Variants in STAG1 observed in about 807,000 individuals in gnomAD.
The protein encoded by STAG1 is cohesin subunit SA-1.
A neutral mutation model predicts 170.9 loss-of-function variants in STAG1; 26 were observed. That is an observed-to-expected ratio of 0.15 (90% confidence interval 0.11 to 0.21). The LOEUF (loss-of-function observed/expected upper bound fraction) is 0.21. Ranked by LOEUF, STAG1 falls within the 10% of genes least tolerant of loss-of-function variation. The probability of loss-of-function intolerance (pLI) is 1.00; values close to 1 mark genes in which losing one functional copy is unlikely to be tolerated. For missense variants in STAG1, 964 were observed against 1,509.5 expected, an observed-to-expected ratio of 0.64 and a Z score of 5.99; for synonymous variants, 514 against 497.7, an observed-to-expected ratio of 1.03 and a Z score of -0.44.
At chr3:136,723,034 GCTCGCTACAAC>G (rs1005047419) in intron 1 of STAG1, among the ~76,000 whole-genome samples, 2 of 152,192 alleles carry the variant, frequency 1.3e-5, no homozygotes, top group African/African-American at 4.8e-5. Flanking sequence ...CGTGATCTCC[GCTCGCTACAAC>G]CTCCACCTCC....
intron 10 of STAG1, among the ~76,000 whole-genome samples, 155 bp downstream of exon 10, chr3:136,477,134 C>A (rs770173804): frequency 4.6e-5 from 7 of 152,168 alleles, no homozygotes; most frequent in Non-Finnish European, 7.3e-5. Context: ...CCAGTTTCAT[C>A]ACAATCATCA....
chr3:136,720,806 AAAAAG>A (rs765312022), intron 1 of STAG1, among the ~76,000 whole-genome samples: 31 of 152,086 alleles, frequency 2.0e-4, no homozygotes, highest in Non-Finnish European at 3.4e-4. Context: ...AAAGAAAAAG[AAAAAG>A]AAAAGAAATC....
At chr3:136,339,019 C>T (rs922191086) in intron 32 of STAG1, among the ~76,000 whole-genome samples, 1 of 152,028 alleles carries the variant, frequency 6.6e-6, no homozygotes, top group African/African-American at 2.4e-5. Context: ...CAGAACATGC[C>T]AGTATTTGGC....
At chr3:136,668,778 T>C (rs1278340059) in intron 1 of STAG1, among the ~76,000 whole-genome samples, 1 of 152,186 alleles carries the variant, frequency 6.6e-6, no homozygotes, top group Non-Finnish European at 1.5e-5. Context: ...GGCTCAATGA[T>C]GTAGCCAATC....
At chr3:136,684,776 CAAAA>C (rs772542086) in intron 1 of STAG1, among the ~76,000 whole-genome samples, 9 of 63,544 alleles carry the variant, frequency 1.4e-4, no homozygotes, top group Non-Finnish European at 1.7e-4. Context: ...ACCCTGTCTC[CAAAA>C]AAAAAAAAAA....
Position 136,423,058 on chromosome 3 carries a change from C to T in STAG1, c.1651-14G>A, listed in dbSNP as rs367892027. The stretch of plus-strand genomic sequence containing the variant: ...GGCAGTTAGCACCTAGAAACAAAAT[C>T]GGAAAAGAAGAAGAGTATTGTGTTA... On this transcript the variant is annotated splice_polypyrimidine_tract_variant and intron_variant, in intron 16 of 33. Transcript: ENST00000383202. The T allele has an allele frequency of 1.5e-5, 24 of 1,553,668 alleles. No homozygotes were observed. The highest frequency in any genetic ancestry group is 1.9e-4 in the Middle Eastern group (1 of 5,198).
rs1936917634 is a variant in STAG1, at chr3:136,362,616, A to AAAAAAAGAAAAAAAAAG, written c.2787+733_2787+749dup. ...AAACATCATCTCTGCAAAAAAAAAA[A>AAAAAAAGAAAAAAAAAG]AAAAAAGAAAAAAAAAGAAAAAAGA... On this transcript the variant is annotated intron_variant, in intron 26 of 33. Transcript: ENST00000383202. 2.0e-5 allele frequency among the ~76,000 whole-genome samples: 3 copies of AAAAAAAGAAAAAAAAAG among 150,288 alleles called. No individual in the cohort carries two copies. In the South Asian group the frequency reaches 6.3e-4, roughly 31 times the overall value.
chr3:136,425,968 T>G lies in STAG1; in HGVS notation c.1651-2924A>C, dbSNP rs544077648. ...TCTTGTTTCATTAATTATCTCTCAG[T>G]TTTTTTTTTCTATGGCATTTTAGGG... On this transcript the variant is annotated intron_variant, in intron 16 of 33. Coordinates refer to ENST00000383202, the MANE Select transcript of STAG1 (RefSeq NM_005862.3). Among the ~76,000 whole-genome samples the G allele has an allele frequency of 4.7e-5, 7 of 147,894 alleles. No individual in the cohort carries two copies. In the East Asian group the frequency reaches 1.2e-3, roughly 25 times the overall value.
intron 21 of STAG1, among the ~76,000 whole-genome samples, chr3:136,406,962 A>G (rs1049643437): frequency 6.6e-6 from 1 of 152,238 alleles, no homozygotes; most frequent in Admixed American, 6.5e-5. Flanking sequence ...TATTGGAAAC[A>G]AGGAAGTGTA....
At chr3:136,386,627 T>TA (rs1576415668) in intron 22 of STAG1, among the ~76,000 whole-genome samples, 2 of 152,146 alleles carry the variant, frequency 1.3e-5, no homozygotes, top group East Asian at 3.8e-4. Context: ...ATTTTAAATG[T>TA]GTGATTCCTT....
At chr3:136,735,257 A>T (rs901344223) in intron 1 of STAG1, among the ~76,000 whole-genome samples, 4 of 149,678 alleles carry the variant, frequency 2.7e-5, no homozygotes, top group African/African-American at 9.9e-5. Flanking sequence ...TCCTGAGTAG[A>T]TAGGACTACA....
chr3:136,513,847 AAAAG>A (rs1212801426), intron 7 of STAG1, among the ~76,000 whole-genome samples: 1 of 152,150 alleles, frequency 6.6e-6, no homozygotes, highest in African/African-American at 2.4e-5. Context: ...GGGGATCTAA[AAAAG>A]AAAGACAAAA....
intron 24 of STAG1, among the ~76,000 whole-genome samples, chr3:136,368,114 C>T (rs183628152): frequency 1.3e-4 from 20 of 152,150 alleles, no homozygotes; most frequent in Admixed American, 9.2e-4. Flanking sequence ...TTGCTTAAGA[C>T]AAGTAGCAGG....
At chr3:136,425,690 G>GTGTA (rs557703470) in intron 16 of STAG1, among the ~76,000 whole-genome samples, 58 of 150,430 alleles carry the variant, frequency 3.9e-4, no homozygotes, top group Admixed American at 2.7e-3. Context: ...GTGTATGTGT[G>GTGTA]TGTATGTATG....
intron 25 of STAG1, among the ~76,000 whole-genome samples, chr3:136,364,726 A>C (rs1322952051): frequency 6.6e-6 from 1 of 152,238 alleles, no homozygotes; most frequent in African/African-American, 2.4e-5. Context: ...GTGAGTAAAT[A>C]ATCAAAAGGT....
chr3:136,709,073 T>G (rs1047693117), intron 1 of STAG1, among the ~76,000 whole-genome samples: 1 of 146,970 alleles, frequency 6.8e-6, no homozygotes, highest in African/African-American at 2.5e-5. Context: ...GTGGATCACA[T>G]GAGGTCAGGG....
chr3:136,591,904 T>C (rs1305459932), intron 4 of STAG1, among the ~76,000 whole-genome samples: 2 of 152,200 alleles, frequency 1.3e-5, no homozygotes, highest in Admixed American at 6.5e-5. Context: ...ACCTCTTACA[T>C]CTACCTTTGC....
intron 4 of STAG1, among the ~76,000 whole-genome samples, chr3:136,590,649 T>C (rs1457435091): frequency 1.3e-5 from 2 of 152,144 alleles, no homozygotes; most frequent in South Asian, 2.1e-4. Flanking sequence ...GTTCCAAATA[T>C]TGGTCTAAGA....
chr3:136,718,783 C>G lies in STAG1; in HGVS notation c.-84+33412G>C, dbSNP rs557466348. ...CTACTACGAATACAAAAAAATTGGC[C>G]AAGTGTGGTGGGGGGGGCCTGTAAT... On this transcript the variant is annotated intron_variant, in intron 1 of 33. Coordinates refer to ENST00000383202, the MANE Select transcript of STAG1 (RefSeq NM_005862.3). Among the ~76,000 whole-genome samples the G allele has an allele frequency of 5.3e-5, 8 of 151,984 alleles. No homozygotes were observed. In the East Asian group the frequency reaches 1.5e-3, roughly 29 times the overall value.
Sources: allele counts gnomAD v4.1 joint callset (sites outside exome capture counted in the v4.1 genomes callset), GRCh38; gene constraint gnomAD v4.1.1; transcripts MANE v1.5; gene names NCBI Gene and HGNC (gene_info 2026-07-23, HGNC 2026-07-21).